Variants in OOEP observed in about 807,000 individuals in gnomAD.
OOEP encodes the protein oocyte-expressed protein homolog.
Under a neutral mutation model 13.7 loss-of-function variants are expected in OOEP, and 16 were observed. That is an observed-to-expected ratio of 1.16 (90% CI 0.79 to 1.77). The LOEUF (loss-of-function observed/expected upper bound fraction) is 1.77. Among genes scored for constraint, OOEP ranks in the 40% most tolerant of loss-of-function variants. The pLI is 0.00. For missense variants in OOEP, 195 were observed against 193.1 expected (o/e 1.01, Z -0.06); for synonymous variants, 89 against 77.1 (o/e 1.15, Z -0.81).
chr6:73,391,198 G>A (rs1331886817), intron 2 of OOEP: 1 of 152,192 alleles, frequency 6.6e-6, no homozygotes, highest in Non-Finnish European at 1.5e-5. Flanking sequence ...TTTCTTCAGA[G>A]CAATAAGCCA....
At position 73,369,568 on chromosome 6, in the gene OOEP, G is replaced by T. The variant is rs192404880; in HGVS notation, c.190+35C>A. 3 of 1,599,522 alleles carry T rather than the reference G, an allele frequency of 1.9e-6. No individual in the cohort carries two copies. In the Admixed American group the frequency reaches 5.0e-5, roughly 27 times the overall value. ...CTGCCAAGCCTCTCTCAGACTGGAGGTGGACAGCCCACTAGCACACCTGGG... is the reference window on the plus strand; with the variant it reads ...CTGCCAAGCCTCTCTCAGACTGGAGTTGGACAGCCCACTAGCACACCTGGG... On this transcript the variant is annotated intron_variant, in intron 1 of 2. Transcript: ENST00000370359.
intron 2 of OOEP, among the ~76,000 whole-genome samples, chr6:73,375,229 C>G (rs1376093918): frequency 6.6e-6 from 1 of 152,132 alleles, no homozygotes; most frequent in South Asian, 2.1e-4. Context: ...AGAATCCCCT[C>G]CAAGGCACCT....
At chr6:73,387,929 C>T (rs192381145) in intron 2 of OOEP, among the ~76,000 whole-genome samples, 3 of 152,162 alleles carry the variant, frequency 2.0e-5, no homozygotes, top group Admixed American at 2.0e-4. Context: ...AGTGCAGTAG[C>T]GCAATCTGGG....
chr6:73,394,556 T>C (rs1409926648), intron 1 of OOEP: 4 of 523,218 alleles, frequency 7.6e-6, no homozygotes, highest in Non-Finnish European at 1.3e-5. Flanking sequence ...GTGTGTCCAG[T>C]AGGGGAGGGA....
chr6:73,384,984 G>A (rs1769249399), intron 2 of OOEP, among the ~76,000 whole-genome samples: 2 of 151,150 alleles, frequency 1.3e-5, no homozygotes, highest in African/African-American at 2.4e-5. Context: ...TGATCCACTC[G>A]CCTTGGCCTC....
intron 2 of OOEP, among the ~76,000 whole-genome samples, chr6:73,388,960 T>C (rs929147677): frequency 1.3e-5 from 2 of 152,076 alleles, no homozygotes; most frequent in Non-Finnish European, 2.9e-5. Context: ...CCGTTCCTTC[T>C]CCTAGCTCCG....
chr6:73,389,182 G>A (rs1769314116), intron 2 of OOEP, among the ~76,000 whole-genome samples: 1 of 152,324 alleles, frequency 6.6e-6, no homozygotes, highest in African/African-American at 2.4e-5. Context: ...AGGCGGAGGA[G>A]AAAGGCCAGG....
chr6:73,385,409 G>A (rs1769259936), intron 2 of OOEP, among the ~76,000 whole-genome samples: 1 of 151,914 alleles, frequency 6.6e-6, no homozygotes, highest in Admixed American at 6.6e-5. Context: ...TATATACCAT[G>A]ATTAAGGGGA....
chr6:73,381,419 G>T (rs1396839898), intron 2 of OOEP, among the ~76,000 whole-genome samples: 1 of 152,166 alleles, frequency 6.6e-6, no homozygotes, highest in East Asian at 1.9e-4. Flanking sequence ...TAGCCCGGAG[G>T]AAGAGCTGAA....
At chr6:73,370,834 T>A (rs1362284292), upstream of OOEP, among the ~76,000 whole-genome samples, 1 of 152,214 alleles carries the variant, frequency 6.6e-6, no homozygotes, top group Non-Finnish European at 1.5e-5. Flanking sequence ...TAGGCTGGAA[T>A]GCAGTGGCAC....
At chr6:73,390,588 T>A (rs1769333876) in intron 2 of OOEP, among the ~76,000 whole-genome samples, 1 of 151,238 alleles carries the variant, frequency 6.6e-6, no homozygotes, top group Non-Finnish European at 1.5e-5. Flanking sequence ...AAACTTTTTT[T>A]TTTTTTTTTT....
At chr6:73,385,027 C>T (rs1769249748) in intron 2 of OOEP, among the ~76,000 whole-genome samples, 1 of 150,862 alleles carries the variant, frequency 6.6e-6, no homozygotes, top group East Asian at 2.0e-4. Flanking sequence ...GTAGCCACCA[C>T]ACCCAGCCTC....
At chr6:73,392,169 C>G (rs1769355621) in intron 2 of OOEP, among the ~76,000 whole-genome samples, 1 of 152,210 alleles carries the variant, frequency 6.6e-6, no homozygotes, top group African/African-American at 2.4e-5. Flanking sequence ...TTCTGACTAA[C>G]ATAGATGCAA....
At chr6:73,379,637 T>G (rs1316490211) in intron 2 of OOEP, among the ~76,000 whole-genome samples, 1 of 3,596 alleles carries the variant, frequency 2.8e-4, no homozygotes, top group East Asian at 9.8e-3. Context: ...AGACTCTATC[T>G]CAAAAAAAAA....
At chr6:73,394,924 G>A in exon 1 of OOEP, 1 of 1,614,232 alleles carries the variant, frequency 6.2e-7, no homozygotes, top group Non-Finnish European at 8.5e-7. Flanking sequence ...CCACGGAGGA[G>A]CTCCCAAGGC....
exon 1 of OOEP, chr6:73,395,069 C>A (rs1411523671): frequency 6.2e-7 from 1 of 1,613,364 alleles, no homozygotes; most frequent in Non-Finnish European, 8.5e-7. Flanking sequence ...AGAGGCACCT[C>A]TAGGCCCCCG....
At chr6:73,379,695 A>G (rs1158328325) in intron 2 of OOEP, among the ~76,000 whole-genome samples, 5 of 149,772 alleles carry the variant, frequency 3.3e-5, no homozygotes, top group African/African-American at 1.2e-4. Context: ...AAATCTGTTT[A>G]ATGTCTGGCC....
intron 2 of OOEP, among the ~76,000 whole-genome samples, chr6:73,375,951 C>T (rs1019021078): frequency 1.3e-5 from 2 of 151,948 alleles, no homozygotes; most frequent in African/African-American, 4.8e-5. Context: ...GCCACCACGG[C>T]CAGGTGAATT....
At chr6:73,370,009 T>C (rs1216785937), upstream of OOEP, 1 of 571,092 alleles carries the variant, frequency 1.8e-6, no homozygotes, top group Non-Finnish European at 3.1e-6. Flanking sequence ...CGGGATTGCC[T>C]CTTTGACCTT....
Sources: gnomAD v4.1 joint callset for allele counts (sites outside exome capture counted in the v4.1 genomes callset) on GRCh38, gnomAD v4.1.1 for gene constraint, MANE v1.5 for transcripts, NCBI Gene and HGNC (gene_info 2026-07-23, HGNC 2026-07-21) for gene names.